CCNK: variants seen among roughly 807,000 people sequenced by gnomAD.
CCNK encodes the protein cyclin-K.
In CCNK, 9 loss-of-function variants were observed where a neutral mutation model predicts 65.0. That is an observed-to-expected ratio of 0.14 (90% confidence interval 0.08 to 0.24). The LOEUF (loss-of-function observed/expected upper bound fraction) is 0.24, where lower values mean the gene tolerates loss of function less well. CCNK is among the 10% of genes least tolerant of loss of function. CCNK has a pLI of 1.00. For missense variants in CCNK, 474 were observed against 720.0 expected (o/e 0.66, Z 3.91); for synonymous variants, 279 against 270.8 (o/e 1.03, Z -0.30).
At chr14:99,482,949 C>T (rs1354196814) in intron 1 of CCNK, among the ~76,000 whole-genome samples, 1 of 152,148 alleles carries the variant, frequency 6.6e-6, no homozygotes, top group African/African-American at 2.4e-5. Flanking sequence ...GAATTAAATT[C>T]AAGGTAATTG....
At chr14:99,490,820 C>T (rs536073032) in intron 1 of CCNK, among the ~76,000 whole-genome samples, 2 of 151,024 alleles carry the variant, frequency 1.3e-5, no homozygotes, top group Admixed American at 6.6e-5. Flanking sequence ...CCCAGCTACT[C>T]GGGAGGCTGA....
intron 4 of CCNK, among the ~76,000 whole-genome samples, chr14:99,496,892 G>A (rs866655997): frequency 5.6e-4 from 83 of 148,918 alleles, no homozygotes; most frequent in Middle Eastern, 7.0e-3. Flanking sequence ...CAGCCAGGAC[G>A]AGAAAGCAAG....
At chr14:99,493,411 A>C (rs761367294) in intron 2 of CCNK, 103 bp from the exon 3 acceptor site, 4 of 647,232 alleles carry the variant, frequency 6.2e-6, no homozygotes, top group Non-Finnish European at 1.1e-5. Context: ...TGTTTACTTT[A>C]CCATTGATTT....
At chr14:99,509,539 C>G (rs1897064448) in intron 10 of CCNK, 1 of 152,812 alleles carries the variant, frequency 6.5e-6, no homozygotes, top group Admixed American at 6.4e-5. Context: ...ATGCAGCACG[C>G]ACGCAGCACG....
chr14:99,498,609 A>G (rs1896752035), intron 4 of CCNK, among the ~76,000 whole-genome samples: 1 of 152,210 alleles, frequency 6.6e-6, no homozygotes, highest in Non-Finnish European at 1.5e-5. Flanking sequence ...GTTGGGCACT[A>G]GACATGAGGC....
chr14:99,510,986 A>G lies in CCNK; in HGVS notation c.*204A>G. ...AACCAGCTTTCAGAGTAGCCTCATCAGTGCCCTTGCAGTCTGACTGTGTAC... is the reference window on the plus strand; with the variant it reads ...AACCAGCTTTCAGAGTAGCCTCATCGGTGCCCTTGCAGTCTGACTGTGTAC... On this transcript the variant is annotated 3_prime_UTR_variant, in exon 11 of 11. Coordinates refer to ENST00000389879, the MANE Select transcript of CCNK (RefSeq NM_001099402.2). 1 of 406,342 alleles carries G rather than the reference A, an allele frequency of 2.5e-6. No individual in the cohort carries two copies. The highest frequency in any genetic ancestry group is 4.3e-6 in the Non-Finnish European group (1 of 233,704). 25.2% of individuals were successfully genotyped at this position (406,342 alleles called of 1,614,324 possible).
chr14:99,498,433 A>G (rs1042706654), intron 4 of CCNK, among the ~76,000 whole-genome samples: 1 of 152,162 alleles, frequency 6.6e-6, no homozygotes, highest in Non-Finnish European at 1.5e-5. Context: ...CAGTGAAGAC[A>G]TTGGGGAAGA....
At chr14:99,504,445 AG>A (rs1265743988) in intron 9 of CCNK, 1 of 135,304 alleles carries the variant, frequency 7.4e-6, no homozygotes, top group Admixed American at 8.1e-5. Context: ...AGTTCAGTAC[AG>A]GTGAATTTTT....
intron 10 of CCNK, chr14:99,509,892 C>T (rs1052183956): frequency 1.1e-5 from 6 of 537,704 alleles, no homozygotes; most frequent in South Asian, 2.4e-5. Context: ...CGGGTGCTGC[C>T]GAGACTGCCT....
At chr14:99,492,546 A>G in intron 1 of CCNK, 80 bp from the exon 2 acceptor site, 1 of 765,918 alleles carries the variant, frequency 1.3e-6, no homozygotes. Context: ...TAGTGATCCC[A>G]AACCAGGTAC....
At chr14:99,484,477 A>G (rs913653206) in intron 1 of CCNK, among the ~76,000 whole-genome samples, 7 of 152,272 alleles carry the variant, frequency 4.6e-5, no homozygotes, top group Non-Finnish European at 8.8e-5. Context: ...TGTTTACCCT[A>G]GAGAAGAGAA....
At chr14:99,488,524 A>G (rs1043345685) in intron 1 of CCNK, among the ~76,000 whole-genome samples, 1 of 152,166 alleles carries the variant, frequency 6.6e-6, no homozygotes, top group Non-Finnish European at 1.5e-5. Flanking sequence ...TTCGGTCAAA[A>G]GTTTGCTTAA....
chr14:99,489,009 C>T (rs1043418311), intron 1 of CCNK, among the ~76,000 whole-genome samples: 18 of 151,750 alleles, frequency 1.2e-4, no homozygotes, highest in East Asian at 1.9e-4. Flanking sequence ...CAGGCTCCAA[C>T]CCCAGACTGG....
At chr14:99,490,303 A>C (rs1162280873) in intron 1 of CCNK, among the ~76,000 whole-genome samples, 2 of 152,228 alleles carry the variant, frequency 1.3e-5, no homozygotes, top group African/African-American at 4.8e-5. Context: ...CATGGTTAAC[A>C]GCAGTAAGTT....
intron 4 of CCNK, among the ~76,000 whole-genome samples, chr14:99,496,784 G>A (rs577758765): frequency 8.1e-4 from 123 of 151,034 alleles, no homozygotes; most frequent in Non-Finnish European, 1.0e-3. Context: ...ATGGTGGCAC[G>A]CACCTGTAGT....
chr14:99,500,822 G>A lies in CCNK; in HGVS notation c.468G>A (p.Gln156=). 1 of 1,567,410 alleles carries A rather than the reference G, an allele frequency of 6.4e-7. No individual in the cohort carries two copies. The highest frequency in any genetic ancestry group is 8.7e-7 in the Non-Finnish European group (1 of 1,154,610). The change falls in exon 5 of 11, where the codon CAG becomes CAA. Residue 156 remains glutamine, a synonymous_variant. Transcript: ENST00000389879. ...ILLQTIKFDL[Q]VEHPYQFLLK... The stretch of plus-strand genomic sequence containing the variant: ...TGCAGACCATCAAGTTTGATTTACA[G>A]GTAGAACATCCATACCAGTTCCTAC...
chr14:99,482,195 G>A, intron 1 of CCNK, among the ~76,000 whole-genome samples: 1 of 152,208 alleles, frequency 6.6e-6, no homozygotes, highest in East Asian at 1.9e-4. Flanking sequence ...AGTCATCTGA[G>A]GTTAGGAACT....
chr14:99,503,357 G>C, intron 8 of CCNK: 1 of 602,702 alleles, frequency 1.7e-6, no homozygotes, highest in South Asian at 2.0e-5. Flanking sequence ...CTGAAACTTA[G>C]TGTTTACTCA....
chr14:99,502,409 G>GTTCCATGTAGAGATGATTC (rs1896854983), intron 7 of CCNK, 33 bp downstream of exon 7: 1 of 1,603,172 alleles, frequency 6.2e-7, no homozygotes, highest in East Asian at 2.2e-5. Context: ...TCGTGAGGGT[G>GTTCCATGTAGAGATGATTC]TTCCATGTTG....
Sources: allele counts gnomAD v4.1 joint callset (sites outside exome capture counted in the v4.1 genomes callset), GRCh38; gene constraint gnomAD v4.1.1; transcripts MANE v1.5; gene names NCBI Gene and HGNC (gene_info 2026-07-23, HGNC 2026-07-21).